The following CTNNBL1 variants were observed in gnomAD, a reference collection of about 807,000 sequenced individuals.
CTNNBL1 encodes beta-catenin-like protein 1.
In CTNNBL1, 31 loss-of-function variants were observed where a neutral mutation model predicts 72.7. That is an observed-to-expected ratio of 0.43 (90% CI 0.32 to 0.58). CTNNBL1 has a LOEUF of 0.58. Among genes scored for constraint, CTNNBL1 ranks in the 20% least tolerant of loss-of-function variants. CTNNBL1 has a pLI of 0.08. For missense variants in CTNNBL1, 534 were observed against 725.1 expected (o/e 0.74, Z 3.03); for synonymous variants, 240 against 267.3 (o/e 0.90, Z 1.00).
intron 10 of CTNNBL1, among the ~76,000 whole-genome samples, chr20:37,780,970 A>T (rs1446619522): frequency 1.3e-5 from 2 of 152,106 alleles, no homozygotes; most frequent in Admixed American, 1.3e-4. Context: ...GGGGGGCTGG[A>T]GGCACAGTAG....
chr20:37,715,698 G>A (rs1242037388), intron 1 of CTNNBL1, among the ~76,000 whole-genome samples: 3 of 152,180 alleles, frequency 2.0e-5, no homozygotes, highest in Admixed American at 2.0e-4. Context: ...AGATTTCTAA[G>A]TAATTTCAGT....
At chr20:37,811,930 CAT>C in intron 11 of CTNNBL1, among the ~76,000 whole-genome samples, 1 of 152,316 alleles carries the variant, frequency 6.6e-6, no homozygotes, top group Non-Finnish European at 1.5e-5. Context: ...CCGTTTAGCA[CAT>C]TAGTGACAAA....
chr20:37,850,341 G>A (rs2072385652), intron 13 of CTNNBL1, among the ~76,000 whole-genome samples: 1 of 152,192 alleles, frequency 6.6e-6, no homozygotes, highest in South Asian at 2.1e-4. Context: ...TTAAATCCCA[G>A]CTCTGCCACA....
At chr20:37,784,535 A>C (rs1050837081) in intron 10 of CTNNBL1, among the ~76,000 whole-genome samples, 1 of 152,192 alleles carries the variant, frequency 6.6e-6, no homozygotes, top group African/African-American at 2.4e-5. Context: ...TGCAAATACT[A>C]TTTAATAACC....
chr20:37,867,208 T>G (rs371961788), intron 15 of CTNNBL1, among the ~76,000 whole-genome samples: 6 of 152,150 alleles, frequency 3.9e-5, no homozygotes, highest in Admixed American at 1.3e-4. Flanking sequence ...CAGTTTCTAT[T>G]TTGTGGTTAT....
intron 1 of CTNNBL1, among the ~76,000 whole-genome samples, chr20:37,696,268 G>A (rs1425398497): frequency 6.6e-6 from 1 of 152,066 alleles, no homozygotes; most frequent in Non-Finnish European, 1.5e-5. Context: ...TGCTGGGAAG[G>A]GAATATAGCA....
intron 5 of CTNNBL1, among the ~76,000 whole-genome samples, chr20:37,762,114 A>G (rs1391043333): frequency 6.6e-6 from 1 of 152,158 alleles, no homozygotes; most frequent in Non-Finnish European, 1.5e-5. Flanking sequence ...CTGTGTGGAT[A>G]ATGGACTGGA....
rs1236233919 is a variant in CTNNBL1, at chr20:37,871,256, A to G, written c.1604-669A>G. On this transcript the variant is annotated intron_variant, in intron 15 of 15. Coordinates refer to ENST00000361383, the MANE Select transcript of CTNNBL1 (RefSeq NM_030877.5). The stretch of plus-strand genomic sequence containing the variant: ...GCTGCTCGGGTCCACACTCAGAACC[A>G]CTCACCCAGAGCAGTGCCTGCCCAG... Among the ~76,000 whole-genome samples the G allele has an allele frequency of 2.0e-5, 3 of 152,076 alleles. No individual in the cohort carries two copies. The East Asian group carries it at 5.8e-4, about 29-fold the overall frequency.
intron 15 of CTNNBL1, among the ~76,000 whole-genome samples, chr20:37,862,248 G>A (rs529574375): frequency 6.6e-6 from 1 of 152,202 alleles, no homozygotes; most frequent in African/African-American, 2.4e-5. Flanking sequence ...TAGCTGTGGT[G>A]ATTTGCAACT....
intron 15 of CTNNBL1, among the ~76,000 whole-genome samples, chr20:37,860,918 G>A (rs1568816236): frequency 6.6e-6 from 1 of 152,186 alleles, no homozygotes; most frequent in Non-Finnish European, 1.5e-5. Flanking sequence ...TAGTTGTGTA[G>A]TTATCATAGG....
At chr20:37,793,375 ACTTT>A (rs1392962249) in intron 10 of CTNNBL1, among the ~76,000 whole-genome samples, 3 of 152,188 alleles carry the variant, frequency 2.0e-5, no homozygotes, top group African/African-American at 7.2e-5. Flanking sequence ...TATGAAAATA[ACTTT>A]CTTTATCCCT....
intron 14 of CTNNBL1, 39 bp from the exon 15 acceptor site, chr20:37,860,233 G>C (rs771984284): frequency 1.3e-6 from 2 of 1,573,318 alleles, no homozygotes; most frequent in Non-Finnish European, 1.7e-6. Context: ...CAGGACAAAT[G>C]GTTGTCTTTC....
intron 11 of CTNNBL1, among the ~76,000 whole-genome samples, chr20:37,820,247 C>A (rs2072094440): frequency 6.6e-6 from 1 of 152,138 alleles, no homozygotes; most frequent in East Asian, 1.9e-4. Context: ...ATATTTCCTT[C>A]TGTCTGCTTT....
Position 37,860,305 on chromosome 20 carries a change from C to T in CTNNBL1, c.1564C>T (p.Arg522Ter), listed in dbSNP as rs760040999. Residue 522 changes from arginine (R) to a stop codon, truncating the protein, a stop_gained, in exon 15 of 16, where the codon CGA becomes TGA. Coordinates refer to ENST00000361383, the MANE Select transcript of CTNNBL1 (RefSeq NM_030877.5). LOFTEE classifies it high-confidence loss of function. ...GAGGGTTCACCAGATCCTAAACATGCGAGGAAGCTCCATCAAAATTGTCAG... is the reference window on the plus strand; with the variant it reads ...GAGGGTTCACCAGATCCTAAACATGTGAGGAAGCTCCATCAAAATTGTCAG... The part of the protein sequence containing the change: ...RQRVHQILNM[R>*]GSSIKIVRHI... 5.0e-6 allele frequency: 8 copies of T among 1,613,984 alleles called. No individual in the cohort carries two copies. In the Admixed American group the frequency reaches 5.0e-5, roughly 10 times the overall value.
chr20:37,738,790 A>T (rs948999499), intron 3 of CTNNBL1, among the ~76,000 whole-genome samples: 6 of 152,336 alleles, frequency 3.9e-5, no homozygotes, highest in Admixed American at 2.6e-4. Flanking sequence ...CATTTTTATT[A>T]GGCGGAAAAG....
intron 2 of CTNNBL1, 22 bp downstream of exon 2, chr20:37,733,089 G>T (rs1270868216): frequency 6.2e-7 from 1 of 1,606,706 alleles, no homozygotes; most frequent in Non-Finnish European, 8.5e-7. Flanking sequence ...GCGCTGGGTG[G>T]GAGCTGAGAT....
chr20:37,780,968 G>A (rs922186730), intron 10 of CTNNBL1, among the ~76,000 whole-genome samples: 1 of 152,108 alleles, frequency 6.6e-6, no homozygotes, highest in Non-Finnish European at 1.5e-5. Flanking sequence ...CTGGGGGGCT[G>A]GAGGCACAGT....
chr20:37,803,461 A>T (rs1216181836), intron 11 of CTNNBL1, among the ~76,000 whole-genome samples: 1 of 152,214 alleles, frequency 6.6e-6, no homozygotes, highest in Non-Finnish European at 1.5e-5. Context: ...GAATTGCCGA[A>T]ATAAACTATT....
intron 13 of CTNNBL1, among the ~76,000 whole-genome samples, chr20:37,856,829 G>T (rs576056075): frequency 8.6e-5 from 13 of 152,022 alleles, no homozygotes; most frequent in African/African-American, 2.7e-4. Flanking sequence ...GACTTCCACC[G>T]ACCTCTTCAG....
Sources: allele counts gnomAD v4.1 joint callset (sites outside exome capture counted in the v4.1 genomes callset), GRCh38; gene constraint gnomAD v4.1.1; transcripts MANE v1.5; gene names NCBI Gene and HGNC (gene_info 2026-07-23, HGNC 2026-07-21).